PPP1R12A: variants seen among roughly 807,000 people sequenced by gnomAD.
PPP1R12A encodes the protein myosin binding subunit.
Under a neutral mutation model 139.6 loss-of-function variants are expected in PPP1R12A, and 19 were observed. That is an observed-to-expected ratio of 0.14 (90% CI 0.09 to 0.20). PPP1R12A has a LOEUF of 0.20. PPP1R12A is among the 10% of genes least tolerant of loss of function. PPP1R12A has a pLI of 1.00. For synonymous variants in PPP1R12A, 427 were observed against 420.6 expected (o/e 1.02, Z -0.19); for missense variants, 925 against 1,211.5 (o/e 0.76, Z 3.51).
intron 1 of PPP1R12A, among the ~76,000 whole-genome samples, chr12:79,883,036 T>C (rs1210248629): frequency 6.6e-6 from 1 of 151,738 alleles, no homozygotes; most frequent in South Asian, 2.1e-4. Context: ...ACTCGGGAGG[T>C]GGAGGCAGGA....
intron 1 of PPP1R12A, among the ~76,000 whole-genome samples, chr12:79,925,288 C>T (rs1362383261): frequency 6.6e-6 from 1 of 151,448 alleles, no homozygotes; most frequent in Non-Finnish European, 1.5e-5. Context: ...GTGTAACAGT[C>T]CATGAAAATA....
rs147500187 is a variant in PPP1R12A, at chr12:79,895,893, G to A, written c.238-22955C>T. On this transcript the variant is annotated intron_variant, in intron 1 of 24. Transcript: ENST00000450142. ...AAAACAAAATAATACAGCAAATGCTGTATTTTGTAGGAGCTCAGAGATTAG... is the reference window on the plus strand; with the variant it reads ...AAAACAAAATAATACAGCAAATGCTATATTTTGTAGGAGCTCAGAGATTAG... Among the ~76,000 whole-genome samples, 29 of 152,284 alleles carry A rather than the reference G, an allele frequency of 1.9e-4. No homozygotes were observed. The East Asian group carries it at 5.4e-3, about 28-fold the overall frequency.
intron 1 of PPP1R12A, among the ~76,000 whole-genome samples, chr12:79,892,761 A>G (rs759022513): frequency 5.9e-5 from 9 of 152,286 alleles, no homozygotes; most frequent in Non-Finnish European, 1.2e-4. Context: ...AAATTATCAT[A>G]GTATTTCCAA....
At chr12:79,924,150 A>T (rs2136954432) in intron 1 of PPP1R12A, among the ~76,000 whole-genome samples, 1 of 152,348 alleles carries the variant, frequency 6.6e-6, no homozygotes, top group East Asian at 1.9e-4. Flanking sequence ...ATATCAAAAA[A>T]TAATGGAAAA....
chr12:79,912,571 G>A (rs1380532266), intron 1 of PPP1R12A, among the ~76,000 whole-genome samples: 2 of 152,042 alleles, frequency 1.3e-5, no homozygotes, highest in Non-Finnish European at 2.9e-5. Flanking sequence ...GCATGCACCT[G>A]CAGTCCCAAC....
At chr12:79,832,181 CAAAG>C in intron 4 of PPP1R12A, 147 bp downstream of exon 4, 1 of 612,664 alleles carries the variant, frequency 1.6e-6, no homozygotes, top group Non-Finnish European at 2.6e-6. Context: ...CAATCATATT[CAAAG>C]TAGTTTTTCT....
intron 22 of PPP1R12A, chr12:79,782,593 G>T (rs1210833801): frequency 2.2e-6 from 1 of 454,422 alleles, no homozygotes; most frequent in East Asian, 7.0e-5. Flanking sequence ...GTACTGGAGA[G>T]CTCTGGACAT....
intron 2 of PPP1R12A, among the ~76,000 whole-genome samples, chr12:79,857,389 A>G (rs944230178): frequency 4.7e-5 from 7 of 149,722 alleles, no homozygotes; most frequent in African/African-American, 1.7e-4. Flanking sequence ...CAATGAGAAC[A>G]TATGGACACA....
rs200027074 is a variant in PPP1R12A, at chr12:79,843,611, A to AATATAGATATAGATATAGATATAG, written c.487+1667_487+1690dup. On this transcript the variant is annotated intron_variant, in intron 3 of 24. Transcript: ENST00000450142. ...AGAGCAAGACTCTGTCTCAAAAAAAAATATAGATATAGATATAGATATAGA... is the reference window on the plus strand; with the variant it reads ...AGAGCAAGACTCTGTCTCAAAAAAAAATATAGATATAGATATAGATATAGATATAGATATAGATATAGATATAGA... 1.8e-4 allele frequency among the ~76,000 whole-genome samples: 24 copies of AATATAGATATAGATATAGATATAG among 134,904 alleles called. 1 individual carries two copies. The highest frequency in any genetic ancestry group is 2.4e-4 in the Non-Finnish European group (15 of 63,818). 88.5% of individuals were successfully genotyped at this position (134,904 alleles called of 152,430 possible).
intron 1 of PPP1R12A, among the ~76,000 whole-genome samples, chr12:79,912,614 A>G (rs888411121): frequency 5.3e-5 from 8 of 151,566 alleles, no homozygotes; most frequent in Admixed American, 6.6e-5. Flanking sequence ...GGATTGCTTG[A>G]GCTCAGGAGG....
At chr12:79,819,372 G>C (rs971186250) in intron 8 of PPP1R12A, 1 of 152,070 alleles carries the variant, frequency 6.6e-6, no homozygotes, top group Non-Finnish European at 1.5e-5. Flanking sequence ...ATAGTTCCTT[G>C]GTGTCTAACA....
chr12:79,850,670 G>A (rs1282086404), intron 2 of PPP1R12A, among the ~76,000 whole-genome samples: 1 of 152,120 alleles, frequency 6.6e-6, no homozygotes, highest in South Asian at 2.1e-4. Context: ...ATCTGATACT[G>A]AATTGCATTT....
chr12:79,927,873 A>G (rs888449740), intron 1 of PPP1R12A, among the ~76,000 whole-genome samples: 5 of 152,214 alleles, frequency 3.3e-5, no homozygotes, highest in African/African-American at 1.2e-4. Flanking sequence ...CAAAATGCCA[A>G]TACCTCATCA....
intron 14 of PPP1R12A, among the ~76,000 whole-genome samples, chr12:79,803,808 T>C (rs945903767): frequency 1.8e-4 from 28 of 152,052 alleles, no homozygotes; most frequent in Non-Finnish European, 1.3e-4. Context: ...TGTTTAAAAA[T>C]ATATCCAAGC....
chr12:79,888,171 A>G (rs1164584676), intron 1 of PPP1R12A, among the ~76,000 whole-genome samples: 1 of 152,184 alleles, frequency 6.6e-6, no homozygotes, highest in East Asian at 1.9e-4. Flanking sequence ...CACAGCTTAG[A>G]GTCCAGCACA....
At chr12:79,782,066 C>T (rs186315205) in intron 22 of PPP1R12A, 42 of 358,530 alleles carry the variant, frequency 1.2e-4, no homozygotes, top group African/African-American at 8.2e-4. Context: ...GTAACCAGAG[C>T]TCTCATTTTA....
intron 3 of PPP1R12A, among the ~76,000 whole-genome samples, chr12:79,835,874 C>T (rs1878012818): frequency 6.6e-6 from 1 of 152,168 alleles, no homozygotes; most frequent in Non-Finnish European, 1.5e-5. Flanking sequence ...AGCTACTATC[C>T]TCTACCTGAA....
intron 1 of PPP1R12A, among the ~76,000 whole-genome samples, chr12:79,929,903 A>C (rs941821355): frequency 6.6e-6 from 1 of 152,228 alleles, no homozygotes; most frequent in Non-Finnish European, 1.5e-5. Context: ...TCTGATGCGA[A>C]GGTTTCAAAA....
chr12:79,908,266 T>C (rs1347371612), intron 1 of PPP1R12A, among the ~76,000 whole-genome samples: 2 of 152,222 alleles, frequency 1.3e-5, no homozygotes, highest in Non-Finnish European at 2.9e-5. Context: ...TATTTAATTA[T>C]TTCAGATCTT....
Sources: allele counts gnomAD v4.1 joint callset (sites outside exome capture counted in the v4.1 genomes callset), GRCh38; gene constraint gnomAD v4.1.1; transcripts MANE v1.5; gene names NCBI Gene and HGNC (gene_info 2026-07-23, HGNC 2026-07-21).